The following CERS6 variants were observed in gnomAD, a reference collection of about 807,000 sequenced individuals.
The protein encoded by CERS6 is LAG1 homolog, ceramide synthase 6.
A neutral mutation model predicts 56.8 loss-of-function variants in CERS6; 26 were observed. That is an observed-to-expected ratio of 0.46 (90% CI 0.34 to 0.63). The LOEUF (loss-of-function observed/expected upper bound fraction) is 0.63, where lower values mean the gene tolerates loss of function less well. CERS6 is among the 30% of genes least tolerant of loss of function. The pLI is 0.01. For synonymous variants in CERS6, 164 were observed against 173.3 expected, an observed-to-expected ratio of 0.95 and a Z score of 0.42; for missense variants, 415 against 467.5, an observed-to-expected ratio of 0.89 and a Z score of 1.04.
At chr2:168,706,270 A>G (rs952458838) in intron 6 of CERS6, among the ~76,000 whole-genome samples, 1 of 152,226 alleles carries the variant, frequency 6.6e-6, no homozygotes, top group Admixed American at 6.5e-5. Flanking sequence ...GCACTATCTT[A>G]CTGTTTTCTA....
intron 4 of CERS6, among the ~76,000 whole-genome samples, chr2:168,690,199 T>C (rs1686463682): frequency 6.6e-6 from 1 of 152,106 alleles, no homozygotes; most frequent in African/African-American, 2.4e-5. Context: ...TTAAGAAACA[T>C]ATAGATGTAT....
In CERS6 at chr2:168,763,135, C is replaced by G. The variant is rs76267975; in HGVS notation, c.846-2457C>G. 3.2e-3 allele frequency among the ~76,000 whole-genome samples: 493 copies of G among 152,238 alleles called. 2 individuals are homozygous for G. Among genetic ancestry groups the G allele is most frequent in the African/African-American group, 9.7e-3 (405 of 41,548 alleles). The stretch of plus-strand genomic sequence containing the variant: ...AAGCAATCCTCCTACCTCAGCCCCC[C>G]CAAAGTGCTGGGATTACAGGAGTGA... On this transcript the variant is annotated intron_variant, in intron 8 of 9. Transcript: ENST00000305747.
chr2:168,509,364 C>T (rs1381158146), intron 1 of CERS6, among the ~76,000 whole-genome samples: 2 of 152,168 alleles, frequency 1.3e-5, no homozygotes, highest in Non-Finnish European at 1.5e-5. Flanking sequence ...TTAAGACAAC[C>T]AGTTTCATTG....
At chr2:168,621,826 A>C (rs1338032270) in intron 3 of CERS6, among the ~76,000 whole-genome samples, 4 of 152,252 alleles carry the variant, frequency 2.6e-5, no homozygotes, top group Non-Finnish European at 4.4e-5. Flanking sequence ...ATACACTTCC[A>C]ATGGCAATTT....
At chr2:168,713,045 C>T (rs1687133779) in intron 6 of CERS6, among the ~76,000 whole-genome samples, 1 of 151,934 alleles carries the variant, frequency 6.6e-6, no homozygotes, top group African/African-American at 2.4e-5. Context: ...TCTGTTCTCC[C>T]CTACTAGATT....
At chr2:168,475,058 C>G (rs6731764) in intron 1 of CERS6, among the ~76,000 whole-genome samples, 150,153 of 152,336 alleles carry the variant, frequency 0.99, 74,038 homozygotes, top group East Asian at 1. Flanking sequence ...TCTAGAACTA[C>G]GTTGTTCTTC....
chr2:168,676,401 A>G (rs1363573360), intron 4 of CERS6, among the ~76,000 whole-genome samples: 3 of 152,328 alleles, frequency 2.0e-5, no homozygotes, highest in Non-Finnish European at 4.4e-5. Flanking sequence ...GTGTTTACAC[A>G]TGTCATTATG....
intron 1 of CERS6, among the ~76,000 whole-genome samples, chr2:168,504,528 C>A: frequency 1.3e-5 from 2 of 152,146 alleles, no homozygotes; most frequent in South Asian, 4.1e-4. Context: ...TGCCTTTCCA[C>A]GTGAAGGCAA....
intron 8 of CERS6, among the ~76,000 whole-genome samples, chr2:168,751,250 T>TTAGAAAAG (rs1435440086): frequency 6.6e-6 from 1 of 152,206 alleles, no homozygotes; most frequent in Non-Finnish European, 1.5e-5. Context: ...TTGATCACCT[T>TTAGAAAAG]TTCTAAAGAG....
chr2:168,472,429 T>G (rs1318899512), intron 1 of CERS6, among the ~76,000 whole-genome samples: 3 of 152,198 alleles, frequency 2.0e-5, no homozygotes, highest in Non-Finnish European at 4.4e-5. Flanking sequence ...TAAGGAATAG[T>G]AGGTTCCTTA....
intron 4 of CERS6, among the ~76,000 whole-genome samples, chr2:168,634,466 G>T (rs1684818233): frequency 6.6e-6 from 1 of 152,182 alleles, no homozygotes; most frequent in African/African-American, 2.4e-5. Flanking sequence ...AGGCTGGAGT[G>T]TAGTGGTGCA....
At chr2:168,691,332 A>G (rs1392731626) in intron 5 of CERS6, among the ~76,000 whole-genome samples, 1 of 152,200 alleles carries the variant, frequency 6.6e-6, no homozygotes, top group African/African-American at 2.4e-5. Context: ...ACAAGGGAAT[A>G]GGATCAATTA....
At chr2:168,572,226 GT>G (rs1212028657) in intron 3 of CERS6, among the ~76,000 whole-genome samples, 4 of 152,144 alleles carry the variant, frequency 2.6e-5, no homozygotes, top group African/African-American at 9.7e-5. Context: ...TATATAATAG[GT>G]TTTCTTGCAG....
chr2:168,549,682 A>G (rs1695531193), intron 2 of CERS6, among the ~76,000 whole-genome samples: 1 of 152,172 alleles, frequency 6.6e-6, no homozygotes, highest in Non-Finnish European at 1.5e-5. Context: ...GCTAATTTGA[A>G]TGATCATATT....
intron 8 of CERS6, among the ~76,000 whole-genome samples, chr2:168,730,978 A>G (rs1056923527): frequency 1.7e-4 from 26 of 152,332 alleles, no homozygotes; most frequent in African/African-American, 6.3e-4. Context: ...CAAAGAAATG[A>G]TTCTGCATAC....
chr2:168,538,491 T>C (rs776906507), intron 1 of CERS6, among the ~76,000 whole-genome samples: 6 of 152,220 alleles, frequency 3.9e-5, no homozygotes, highest in South Asian at 2.1e-4. Flanking sequence ...TTCAGGGTTC[T>C]GTGTACTTTC....
At chr2:168,622,500 A>G (rs931607024) in intron 3 of CERS6, among the ~76,000 whole-genome samples, 15 of 152,224 alleles carry the variant, frequency 9.9e-5, no homozygotes, top group African/African-American at 3.6e-4. Flanking sequence ...ATGCATATAT[A>G]TGAGAGACAT....
intron 8 of CERS6, among the ~76,000 whole-genome samples, chr2:168,752,320 T>TAG (rs1553516312): frequency 2.0e-4 from 25 of 125,218 alleles, no homozygotes; most frequent in East Asian, 8.5e-4. Flanking sequence ...TGTGTGTGTA[T>TAG]AGAGAGAGAG....
At chr2:168,480,057 A>T (rs1366493340) in intron 1 of CERS6, among the ~76,000 whole-genome samples, 2 of 152,180 alleles carry the variant, frequency 1.3e-5, no homozygotes, top group African/African-American at 4.8e-5. Flanking sequence ...TTTTCCTTTC[A>T]AATAGTGAGG....
Sources: gnomAD v4.1 joint callset for allele counts (sites outside exome capture counted in the v4.1 genomes callset) on GRCh38, gnomAD v4.1.1 for gene constraint, MANE v1.5 for transcripts, NCBI Gene and HGNC (gene_info 2026-07-23, HGNC 2026-07-21) for gene names.